The following RBFOX2 variants were observed in gnomAD, a reference collection of about 807,000 sequenced individuals.
RBFOX2 encodes the protein RNA binding protein fox-1 homolog 2.
A neutral mutation model predicts 49.1 loss-of-function variants in RBFOX2; 10 were observed. That is an observed-to-expected ratio of 0.20 (90% confidence interval 0.13 to 0.35). RBFOX2 has a LOEUF of 0.35. Ranked by LOEUF, RBFOX2 falls within the 10% of genes least tolerant of loss-of-function variation. The pLI is 1.00. For missense variants in RBFOX2, 323 were observed against 486.9 expected, an observed-to-expected ratio of 0.66 and a Z score of 3.17; for synonymous variants, 183 against 187.4, an observed-to-expected ratio of 0.98 and a Z score of 0.19.
intron 1 of RBFOX2, among the ~76,000 whole-genome samples, chr22:36,008,270 G>A (rs192126376): frequency 1.3e-5 from 2 of 152,030 alleles, no homozygotes; most frequent in East Asian, 3.9e-4. Flanking sequence ...CATTAACTCT[G>A]TAACTAACCC....
intron 1 of RBFOX2, among the ~76,000 whole-genome samples, chr22:35,866,469 TAAAAC>T (rs754422181): frequency 2.1e-4 from 32 of 152,168 alleles, no homozygotes; most frequent in Non-Finnish European, 2.9e-5. Context: ...TTAATTAACA[TAAAAC>T]AAAACTACAG....
rs184628320 is a variant in RBFOX2 at position 35,818,628 on chromosome 22, A to T, written c.28-8624T>A. Reference sequence around the variant, plus strand: ...GCGAGACCCTATCTCTACAAAAAAAATTTTTTTAAATAGCCAGGTGTGGTG... The same window carrying T: ...GCGAGACCCTATCTCTACAAAAAAATTTTTTTTAAATAGCCAGGTGTGGTG... On this transcript the variant is annotated intron_variant, in intron 1 of 11. Transcript: ENST00000405409. Among the ~76,000 whole-genome samples the T allele has an allele frequency of 3.9e-4, 59 of 152,092 alleles. No homozygotes were observed. The East Asian group carries it at 0.01, about 26-fold the overall frequency.
At chr22:36,011,377 G>A (rs6000056) in intron 1 of RBFOX2, among the ~76,000 whole-genome samples, 20,462 of 152,106 alleles carry the variant, frequency 0.13, 3,009 homozygotes, top group African/African-American at 0.37. Flanking sequence ...TTAAAACACA[G>A]AATCATATTA....
intron 2 of RBFOX2, among the ~76,000 whole-genome samples, chr22:35,799,386 A>G (rs1034804051): frequency 1.3e-5 from 2 of 152,188 alleles, no homozygotes; most frequent in Non-Finnish European, 2.9e-5. Context: ...ACAGTATGGG[A>G]CCAACTGACT....
rs546548981 is a variant in RBFOX2 at position 35,770,601 on chromosome 22, T to C, written c.454-2252A>G. Among the ~76,000 whole-genome samples, 3 of 152,340 alleles carry C rather than the reference T, an allele frequency of 2.0e-5. No individual in the cohort carries two copies. In the South Asian group the frequency reaches 6.2e-4, roughly 32 times the overall value. On this transcript the variant is annotated intron_variant, in intron 4 of 11. Transcript: ENST00000405409. The stretch of plus-strand genomic sequence containing the variant: ...GCCTTTTCAAATCTCAGTTCAGTAT[T>C]CTATTTACTAAACTATATTAGTCCT...
intron 1 of RBFOX2, among the ~76,000 whole-genome samples, chr22:35,986,345 A>G (rs530848250): frequency 3.4e-4 from 52 of 152,272 alleles, no homozygotes; most frequent in South Asian, 2.9e-3. Flanking sequence ...TTCACTTAAC[A>G]AAGTCCTGTC....
chr22:36,026,547 C>G (rs867866714), intron 1 of RBFOX2, among the ~76,000 whole-genome samples: 41 of 150,222 alleles, frequency 2.7e-4, no homozygotes, highest in Middle Eastern at 6.4e-3. Flanking sequence ...TACATACACA[C>G]ACACACACAC....
intron 1 of RBFOX2, among the ~76,000 whole-genome samples, chr22:35,985,521 C>CCACATGAA (rs1374869849): frequency 6.6e-6 from 1 of 152,096 alleles, no homozygotes; most frequent in Non-Finnish European, 1.5e-5. Context: ...CAAGTGAAGC[C>CCACATGAA]ACAAATCTGG....
intron 1 of RBFOX2, among the ~76,000 whole-genome samples, chr22:35,960,967 A>G (rs867097364): frequency 6.6e-6 from 1 of 152,192 alleles, no homozygotes; most frequent in Non-Finnish European, 1.5e-5. Context: ...TGTTTAAAAA[A>G]AAAAAGCAGC....
intron 1 of RBFOX2, among the ~76,000 whole-genome samples, chr22:35,885,304 A>C (rs2046420219): frequency 6.6e-6 from 1 of 152,182 alleles, no homozygotes; most frequent in Non-Finnish European, 1.5e-5. Flanking sequence ...TTGCCAAAAA[A>C]ACCATGATGT....
chr22:35,914,022 G>A (rs1279305647), intron 1 of RBFOX2, among the ~76,000 whole-genome samples: 3 of 152,184 alleles, frequency 2.0e-5, no homozygotes, highest in Non-Finnish European at 4.4e-5. Flanking sequence ...AGACAGTAAT[G>A]TTTGGTCCTC....
At chr22:35,870,096 T>C (rs1401562707) in intron 1 of RBFOX2, among the ~76,000 whole-genome samples, 1 of 152,112 alleles carries the variant, frequency 6.6e-6, no homozygotes, top group Non-Finnish European at 1.5e-5. Context: ...TTTCAAAAGG[T>C]TCAAAATAGT....
At chr22:35,952,968 T>C (rs993401209) in intron 1 of RBFOX2, among the ~76,000 whole-genome samples, 1 of 151,878 alleles carries the variant, frequency 6.6e-6, no homozygotes, top group Non-Finnish European at 1.5e-5. Flanking sequence ...TCCCAGAATT[T>C]TGGGAGGCTG....
In RBFOX2 at chr22:35,792,366, A is replaced by G. The variant is rs907506158; in HGVS notation, c.253-10620T>C. On this transcript the variant is annotated intron_variant, in intron 2 of 11. Transcript: ENST00000405409. ...AAAAGAAAAGAAAAGAAAAGAAAAG[A>G]AAAAGAAAAAGAAATTAGGCAACTA... Among the ~76,000 whole-genome samples the G allele has an allele frequency of 2.0e-5, 3 of 149,704 alleles. No homozygotes were observed. In the South Asian group the frequency reaches 6.4e-4, roughly 32 times the overall value.
At chr22:35,781,455 T>A (rs1329638459) in intron 3 of RBFOX2, 145 bp downstream of exon 4, 2 of 1,138,014 alleles carry the variant, frequency 1.8e-6, no homozygotes, top group Non-Finnish European at 2.5e-6. Context: ...AAAAGGCTTC[T>A]AAAGACTGAT....
chr22:35,826,421 A>G (rs1162267674), intron 1 of RBFOX2, among the ~76,000 whole-genome samples: 2 of 152,024 alleles, frequency 1.3e-5, no homozygotes, highest in Non-Finnish European at 2.9e-5. Flanking sequence ...GAAAGCATAC[A>G]TAGTCCAAAA....
Position 35,810,002 on chromosome 22 carries a change from A to T in RBFOX2, c.30T>A (p.Gly10=), listed in dbSNP as rs758516421. The stretch of plus-strand genomic sequence containing the variant: ...CAGGAGTTGTTGTCGGCTCCTGGTT[A>T]CCCTAAAACAAACAACAAGAGAAAG... Residue 10 remains glycine (G), a splice_region_variant and synonymous_variant, in exon 2 of 12, where the codon GGT becomes GGA. Coordinates refer to ENST00000405409, the Ensembl canonical transcript of RBFOX2. The T allele has an allele frequency of 1.2e-6, 2 of 1,613,882 alleles. No homozygotes were observed. Among genetic ancestry groups the T allele is most frequent in the Non-Finnish European group, 1.7e-6 (2 of 1,179,934 alleles).
intron 1 of RBFOX2, among the ~76,000 whole-genome samples, chr22:35,918,242 T>C (rs1488000666): frequency 6.6e-6 from 1 of 152,184 alleles, no homozygotes; most frequent in Non-Finnish European, 1.5e-5. Flanking sequence ...ACATTTCTGG[T>C]GTACAAATTA....
intron 4 of RBFOX2, among the ~76,000 whole-genome samples, chr22:35,774,397 G>T (rs1338897471): frequency 1.3e-5 from 2 of 151,946 alleles, no homozygotes; most frequent in Non-Finnish European, 2.9e-5. Flanking sequence ...TTAATTTTTT[G>T]GCAGGAATAC....
Sources: gnomAD v4.1 joint callset for allele counts (sites outside exome capture counted in the v4.1 genomes callset) on GRCh38, gnomAD v4.1.1 for gene constraint, MANE v1.5 for transcripts, NCBI Gene and HGNC (gene_info 2026-07-23, HGNC 2026-07-21) for gene names.